FANCI: variants seen among roughly 807,000 people sequenced by gnomAD.
FANCI encodes the protein Fanconi anemia group I protein.
In FANCI, 156 loss-of-function variants were observed where a neutral mutation model predicts 176.1. That is an observed-to-expected ratio of 0.89 (90% CI 0.78 to 1.01). FANCI has a LOEUF of 1.01. Ranked by LOEUF, FANCI falls within the 50% of genes least tolerant of loss-of-function variation. The probability of loss-of-function intolerance (pLI) is 0.00; values close to 1 mark genes in which losing one functional copy is unlikely to be tolerated. For synonymous variants in FANCI, 613 were observed against 541.7 expected, an observed-to-expected ratio of 1.13 and a Z score of -1.83; for missense variants, 1,678 against 1,534.1, an observed-to-expected ratio of 1.09 and a Z score of -1.57.
chr15:89,245,293 C>G (rs765194945), intron 1 of FANCI: 1 of 144,426 alleles, frequency 6.9e-6, no homozygotes, highest in East Asian at 2.1e-4. Flanking sequence ...CTCAGCCTCA[C>G]AAGTAGCTGG....
intron 1 of FANCI, among the ~76,000 whole-genome samples, chr15:89,247,065 G>T (rs2052018873): frequency 1.4e-5 from 2 of 148,020 alleles, no homozygotes. Flanking sequence ...CACGGTGCCG[G>T]CCTCTTTTTT....
At chr15:89,248,176 G>A (rs2052074022) in intron 2 of FANCI, among the ~76,000 whole-genome samples, 1 of 152,128 alleles carries the variant, frequency 6.6e-6, no homozygotes, top group African/African-American at 2.4e-5. Context: ...TAGGGCCTCT[G>A]TTTTCACTAT....
chr15:89,301,939 C>G (rs1013681351), intron 27 of FANCI, among the ~76,000 whole-genome samples: 7 of 152,214 alleles, frequency 4.6e-5, no homozygotes, highest in African/African-American at 1.7e-4. Context: ...AGAAACACCT[C>G]TGCAGAGATA....
rs75012445 is a variant in FANCI at position 89,289,138 on chromosome 15, A to G, written c.1822-1075A>G. Among the ~76,000 whole-genome samples the G allele has an allele frequency of 6.8e-3, 1,039 of 151,888 alleles. 16 individuals are homozygous for G. Among genetic ancestry groups the G allele is most frequent in the African/African-American group, 0.024 (992 of 41,402 alleles). ...TTGTTCAGACATCATTGCCTCCTTA[A>G]TGTGTACTATGTATCTCTGTATGCC... On this transcript the variant is annotated intron_variant, in intron 18 of 37. Coordinates refer to ENST00000310775, the MANE Select transcript of FANCI (RefSeq NM_001113378.2).
Position 89,261,852 on chromosome 15 carries a change from GTTGA to G in FANCI, c.480_483del (p.Ile161ThrfsTer13). The G allele has an allele frequency of 6.2e-7, 1 of 1,613,938 alleles. No individual in the cohort carries two copies. The highest frequency in any genetic ancestry group is 8.5e-7 in the Non-Finnish European group (1 of 1,179,920). On this transcript the variant is annotated frameshift_variant, in exon 6 of 38. Coordinates refer to ENST00000310775, the MANE Select transcript of FANCI (RefSeq NM_001113378.2). LOFTEE classifies it high-confidence loss of function. ...TGAGTGGGGAAGAATGTAAGAAACAGTTGATTAACACCCTGTGTTCTGGCAGGTG... is the reference window on the plus strand; with the variant it reads ...TGAGTGGGGAAGAATGTAAGAAACAGTTAACACCCTGTGTTCTGGCAGGTG...
At position 89,247,692 on chromosome 15, in the gene FANCI, C is replaced by A. The variant is rs765811874; in HGVS notation, c.45C>A (p.Asp15Glu). 7 of 1,613,970 alleles carry A rather than the reference C, an allele frequency of 4.3e-6. No individual in the cohort carries two copies. The South Asian group carries it at 5.5e-5, about 13-fold the overall frequency. The change falls in exon 2 of 38, where the codon GAC (aspartate) becomes GAA (glutamate). Residue 15 changes from aspartate to glutamate, a missense_variant. Coordinates refer to ENST00000310775, the MANE Select transcript of FANCI (RefSeq NM_001113378.2). ...ILSLAAEKTA[D>E]KLQEFLQTLR... ...CTCTAGCAGCAGAAAAAACAGCAGA[C>A]AAACTGCAAGAATTTCTTCAAACCC...
chr15:89,290,643 G>T (rs1047297575), intron 19 of FANCI: 38 of 238,932 alleles, frequency 1.6e-4, no homozygotes, highest in African/African-American at 6.3e-4. Context: ...CTTAAATCTG[G>T]GTAATGGATA....
intron 24 of FANCI, 124 bp downstream of exon 24, chr15:89,295,218 A>G (rs2054207251): frequency 1.7e-6 from 2 of 1,147,862 alleles, no homozygotes; most frequent in Admixed American, 2.8e-5. Flanking sequence ...AAAGAATATA[A>G]AACATTAGCC....
chr15:89,308,062 C>G, intron 34 of FANCI: 1 of 1,134,500 alleles, frequency 8.8e-7, no homozygotes, highest in Non-Finnish European at 1.1e-6. Context: ...GCAGTGAGGG[C>G]ACTTTCAGGG....
chr15:89,310,037 G>A (rs1485105692), intron 34 of FANCI, among the ~76,000 whole-genome samples: 1 of 152,194 alleles, frequency 6.6e-6, no homozygotes, highest in Non-Finnish European at 1.5e-5. Context: ...ATCCCCATAT[G>A]CATGATGAGA....
Position 89,278,747 on chromosome 15 carries a change from G to C in FANCI, c.1354G>C (p.Ala452Pro). Residue 452 changes from alanine (A) to proline (P), a missense_variant, in exon 14 of 38, where the codon GCA becomes CCA. This residue lies in a region of FANCI where 1,204 missense variants were observed against 1,077.4 expected (regional missense o/e 1.12). Transcript: ENST00000310775. ...EQVLNRVVTR[A>P]SSPISHFLDL... ...GGTCCTCAACAGGGTTGTTACCAGA[G>C]CATCTTCTCCCATCAGTCATTTCTT... 1 of 1,613,702 alleles carries C rather than the reference G, an allele frequency of 6.2e-7. No individual in the cohort carries two copies. Among genetic ancestry groups the C allele is most frequent in the Non-Finnish European group, 8.5e-7 (1 of 1,179,680 alleles).
chr15:89,296,813 C>A (rs1187837667), intron 24 of FANCI, among the ~76,000 whole-genome samples: 3 of 148,636 alleles, frequency 2.0e-5, no homozygotes, highest in African/African-American at 7.4e-5. Flanking sequence ...GGGGGCTGAC[C>A]CCCCCACCTC....
At chr15:89,303,060 G>A (rs2054584499) in intron 27 of FANCI, among the ~76,000 whole-genome samples, 1 of 152,002 alleles carries the variant, frequency 6.6e-6, no homozygotes, top group Non-Finnish European at 1.5e-5. Context: ...TCCCTTCCAA[G>A]TAAATATAGA....
intron 17 of FANCI, 104 bp downstream of exon 17, chr15:89,283,354 C>G: frequency 6.5e-7 from 1 of 1,539,628 alleles, no homozygotes. Flanking sequence ...TAAGAATGAT[C>G]CTAGAACTAA....
chr15:89,252,784 C>T (rs1045073034), intron 2 of FANCI, among the ~76,000 whole-genome samples: 11 of 151,554 alleles, frequency 7.3e-5, no homozygotes, highest in African/African-American at 1.9e-4. Flanking sequence ...AAAACCCATG[C>T]GAAAAAAAAC....
At chr15:89,253,303 T>G (rs2052342908) in intron 2 of FANCI, among the ~76,000 whole-genome samples, 1 of 152,072 alleles carries the variant, frequency 6.6e-6, no homozygotes. Flanking sequence ...TTTCTCATAT[T>G]CAAGAGAAAG....
intron 19 of FANCI, among the ~76,000 whole-genome samples, chr15:89,290,763 C>G (rs2054032036): frequency 1.3e-5 from 2 of 152,132 alleles, no homozygotes; most frequent in African/African-American, 4.8e-5. Flanking sequence ...TAGAGACTCT[C>G]TACCAGGAGG....
chr15:89,292,858 T>G lies in FANCI; in HGVS notation c.2163T>G (p.Phe721Leu). The change falls in exon 21 of 38, where the codon TTT becomes TTG. Residue 721 changes from phenylalanine to leucine, a missense_variant. Phe to Leu is a conservative substitution (Grantham distance 22). Coordinates refer to ENST00000310775, the MANE Select transcript of FANCI (RefSeq NM_001113378.2). ...TGATTAAGAGTGAGCTGGAAGACTT[T>G]GAACTGGTAATTGCTAAGTCCTCAG... Reference protein sequence around the residue: ...NRMIKSELEDFELDKSADFSQ... With the variant: ...NRMIKSELEDLELDKSADFSQ... 1 of 1,614,106 alleles carries G rather than the reference T, an allele frequency of 6.2e-7. No homozygotes were observed. The highest frequency in any genetic ancestry group is 8.5e-7 in the Non-Finnish European group (1 of 1,179,996).
intron 24 of FANCI, among the ~76,000 whole-genome samples, chr15:89,297,126 GGCT>G (rs2054321697): frequency 6.6e-6 from 1 of 150,632 alleles, no homozygotes; most frequent in Non-Finnish European, 1.5e-5. Flanking sequence ...CAGACGGGGC[GGCT>G]GCCGGGCGGC....
Sources: allele counts gnomAD v4.1 joint callset (sites outside exome capture counted in the v4.1 genomes callset), GRCh38; gene constraint gnomAD v4.1.1; regional missense constraint gnomAD v4.1.1; transcripts MANE v1.5; gene names NCBI Gene and HGNC (gene_info 2026-07-23, HGNC 2026-07-21).